Variants in UBE2E3 observed in about 807,000 individuals in gnomAD.
UBE2E3 encodes ubiquitin conjugating enzyme E2 E3, also known as ubiquitin-conjugating enzyme E2 E3.
In UBE2E3, 5 loss-of-function variants were observed where a neutral mutation model predicts 23.6. That is an observed-to-expected ratio of 0.21 (90% CI 0.11 to 0.44). The LOEUF (loss-of-function observed/expected upper bound fraction) is 0.44. UBE2E3 is among the 20% of genes least tolerant of loss of function. The probability of loss-of-function intolerance (pLI) is 0.99; values close to 1 mark genes in which losing one functional copy is unlikely to be tolerated. For missense variants in UBE2E3, 81 were observed against 249.8 expected (o/e 0.32, Z 4.55); for synonymous variants, 78 against 87.5 (o/e 0.89, Z 0.60).
At chr2:181,008,975 G>A (rs1340639341) in intron 3 of UBE2E3, among the ~76,000 whole-genome samples, 1 of 150,508 alleles carries the variant, frequency 6.6e-6, no homozygotes, top group East Asian at 2.0e-4. Flanking sequence ...AAAATTAGTT[G>A]AATGAAACAT....
intron 3 of UBE2E3, among the ~76,000 whole-genome samples, chr2:180,997,910 A>G (rs1055062376): frequency 2.6e-5 from 4 of 152,138 alleles, no homozygotes; most frequent in Non-Finnish European, 5.9e-5. Flanking sequence ...AGACATTTGT[A>G]CTACTAATAT....
intron 3 of UBE2E3, among the ~76,000 whole-genome samples, chr2:181,027,862 C>T (rs533436781): frequency 1.3e-5 from 2 of 152,076 alleles, no homozygotes; most frequent in Admixed American, 6.5e-5. Flanking sequence ...ATACCCTTAT[C>T]ATCAATCATG....
chr2:181,037,841 G>A (rs546088710), intron 3 of UBE2E3, among the ~76,000 whole-genome samples: 1 of 152,096 alleles, frequency 6.6e-6, no homozygotes, highest in Non-Finnish European at 1.5e-5. Flanking sequence ...GGTGGCATAT[G>A]CCTGTAGTCC....
chr2:181,028,794 G>C (rs934964851), intron 3 of UBE2E3, among the ~76,000 whole-genome samples: 2 of 151,890 alleles, frequency 1.3e-5, no homozygotes, highest in Non-Finnish European at 2.9e-5. Context: ...CATATATGTT[G>C]CAAAAATCTT....
chr2:181,034,829 A>G (rs779383428), intron 3 of UBE2E3, among the ~76,000 whole-genome samples: 1 of 152,218 alleles, frequency 6.6e-6, no homozygotes, highest in Non-Finnish European at 1.5e-5. Context: ...TGTGGCTTTC[A>G]ACAGGTGAAA....
intron 3 of UBE2E3, among the ~76,000 whole-genome samples, chr2:181,028,754 T>TA (rs1265499709): frequency 2.0e-5 from 3 of 152,270 alleles, no homozygotes; most frequent in East Asian, 3.9e-4. Flanking sequence ...TAGGGGTTCT[T>TA]ATGTATTGTG....
At chr2:181,028,164 TTAATGTAATTATTA>T (rs1220505947) in intron 3 of UBE2E3, among the ~76,000 whole-genome samples, 1 of 152,124 alleles carries the variant, frequency 6.6e-6, no homozygotes. Context: ...TAATTACCTA[TTAATGTAATTATTA>T]TAATGTAATT....
At chr2:181,039,356 A>C (rs1686404420) in intron 3 of UBE2E3, among the ~76,000 whole-genome samples, 1 of 152,116 alleles carries the variant, frequency 6.6e-6, no homozygotes, top group Admixed American at 6.6e-5. Context: ...CTACATTGAA[A>C]ATGTAATGAA....
intron 3 of UBE2E3, among the ~76,000 whole-genome samples, chr2:180,999,562 G>A (rs1404651441): frequency 6.6e-6 from 1 of 151,996 alleles, no homozygotes; most frequent in Non-Finnish European, 1.5e-5. Flanking sequence ...GGCGTATGAG[G>A]GTTCCAATTT....
At position 181,028,526 on chromosome 2, in the gene UBE2E3, A is replaced by G. The variant is rs2105640960; in HGVS notation, c.246-29167A>G. Among the ~76,000 whole-genome samples, 3 of 152,252 alleles carry G rather than the reference A, an allele frequency of 2.0e-5. No individual in the cohort carries two copies. The Middle Eastern group carries it at 0.01, about 518-fold the overall frequency. On this transcript the variant is annotated intron_variant, in intron 3 of 5. Transcript: ENST00000410062. ...ATACACATTTCCACCAGCAAAGTGC[A>G]ATAGTTCTCTTTGCGCTGCAGGTTT... is the stretch of plus-strand genomic sequence containing the variant.
chr2:181,045,792 G>C (rs1435816680), intron 3 of UBE2E3, among the ~76,000 whole-genome samples: 4 of 151,944 alleles, frequency 2.6e-5, no homozygotes, highest in East Asian at 3.9e-4. Context: ...TCTCCACACT[G>C]TTCCCTCCCT....
chr2:181,060,292 C>CAAA (rs1687105514), intron 4 of UBE2E3, among the ~76,000 whole-genome samples: 1 of 151,674 alleles, frequency 6.6e-6, no homozygotes, highest in Non-Finnish European at 1.5e-5. Context: ...GTTCCTCTTA[C>CAAA]CTTCGGCACC....
chr2:180,980,989 C>T lies in UBE2E3; in HGVS notation c.-26+16C>T, dbSNP rs1472284983. ...GGCGGCCGAGGTAAGGCGGCGGGGC[C>T]GGGGGGCCGCGTGGGGGGCGGCCGG... On this transcript the variant is annotated intron_variant, in intron 1 of 5. Coordinates refer to ENST00000410062, the MANE Select transcript of UBE2E3 (RefSeq NM_006357.4). The surrounding 1 kb of genome is among the most constrained non-coding windows in gnomAD (Gnocchi z 5.5). 3.4e-5 allele frequency: 5 copies of T among 145,932 alleles called. No homozygotes were observed. The highest frequency in any genetic ancestry group is 1.2e-4 in the African/African-American group (5 of 40,540). The allele number at this position is 145,932 out of a possible 1,614,324, so 9.0% of individuals were successfully genotyped here. A position where few individuals can be genotyped will look rare whatever the true frequency, so the allele number is the denominator to read the frequency against.
chr2:181,022,568 T>C (rs1490572974), intron 3 of UBE2E3, among the ~76,000 whole-genome samples: 1 of 152,096 alleles, frequency 6.6e-6, no homozygotes, highest in Admixed American at 6.5e-5. Context: ...AGGAAGCTCA[T>C]CTAAACATGT....
At chr2:181,018,009 C>T (rs1685549389) in intron 3 of UBE2E3, among the ~76,000 whole-genome samples, 1 of 151,684 alleles carries the variant, frequency 6.6e-6, no homozygotes, top group South Asian at 2.1e-4. Context: ...CTTTCTCTTT[C>T]TACCTAGAAG....
chr2:181,029,910 C>T (rs1686022738), intron 3 of UBE2E3, among the ~76,000 whole-genome samples: 1 of 149,672 alleles, frequency 6.7e-6, no homozygotes, highest in Admixed American at 6.7e-5. Context: ...AGTCTCGGCT[C>T]ATTGCAACCT....
intron 3 of UBE2E3, among the ~76,000 whole-genome samples, chr2:180,994,475 A>G (rs373354537): frequency 2.0e-5 from 3 of 152,178 alleles, no homozygotes; most frequent in African/African-American, 7.2e-5. Flanking sequence ...TTCACTATGC[A>G]CTTTCAAAAG....
Position 180,982,160 on chromosome 2 carries a change from C to T in UBE2E3, c.118C>T (p.Pro40Ser), listed in dbSNP as rs1684316648. ...GCCTGAAGAACAAGAGGAAAGAAAA[C>T]CTTCTGCCACCCAGCAGAAGAAAAA... ...PEPEEQEERK[P>S]SATQQKKNTK... Residue 40 changes from proline (P) to serine (S), a missense_variant, in exon 2 of 6, where the codon CCT becomes TCT. By Grantham distance (74) the Pro-to-Ser change is moderately conservative. Transcript: ENST00000410062. 1.9e-6 allele frequency: 3 copies of T among 1,612,824 alleles called. No homozygotes were observed. The highest frequency in any genetic ancestry group is 1.3e-5 in the African/African-American group (1 of 74,692).
Sources: allele counts gnomAD v4.1 joint callset (sites outside exome capture counted in the v4.1 genomes callset), GRCh38; gene constraint gnomAD v4.1.1; non-coding constraint Gnocchi (gnomAD v3.1); transcripts MANE v1.5; gene names NCBI Gene and HGNC (gene_info 2026-07-23, HGNC 2026-07-21).